The following TGM4 variants were observed in gnomAD, a reference collection of about 807,000 sequenced individuals.
The protein encoded by TGM4 is protein-glutamine gamma-glutamyltransferase 4.
A neutral mutation model predicts 76.3 loss-of-function variants in TGM4; 61 were observed. That is an observed-to-expected ratio of 0.80 (90% CI 0.65 to 0.99). TGM4 has a LOEUF of 0.99. Among genes scored for constraint, TGM4 ranks in the 50% least tolerant of loss-of-function variants. The pLI, the probability that TGM4 is intolerant of heterozygous loss-of-function variation, is 0.00. For synonymous variants in TGM4, 337 were observed against 329.8 expected, an observed-to-expected ratio of 1.02 and a Z score of -0.24; for missense variants, 794 against 843.2, an observed-to-expected ratio of 0.94 and a Z score of 0.72.
chr3:44,908,304 A>G (rs1310956042), intron 10 of TGM4, among the ~76,000 whole-genome samples: 1 of 152,212 alleles, frequency 6.6e-6, no homozygotes, highest in East Asian at 1.9e-4. Flanking sequence ...GCTATCTCTG[A>G]AATAGAATCT....
chr3:44,879,237 GTCTCTCTC>G (rs377695202), intron 1 of TGM4, among the ~76,000 whole-genome samples: 3,361 of 118,018 alleles, frequency 0.028, 60 homozygotes, highest in Admixed American at 0.04. Flanking sequence ...CTATTTTATG[GTCTCTCTC>G]TCTCTCTCTC....
chr3:44,910,912 G>C (rs1431029964), intron 11 of TGM4, 46 bp from the exon 12 acceptor site: 2 of 1,590,938 alleles, frequency 1.3e-6, no homozygotes, highest in Admixed American at 3.4e-5. Context: ...TCATACTGGG[G>C]GGGTATGATG....
At chr3:44,890,446 C>G (rs368087967) in intron 3 of TGM4, 157 bp from the exon 4 acceptor site, 1 of 1,005,980 alleles carries the variant, frequency 9.9e-7, no homozygotes, top group Non-Finnish European at 1.5e-6. Context: ...CTTGCAGGGG[C>G]GCTCCTGGCT....
At chr3:44,906,776 GC>G (rs1699927332) in intron 9 of TGM4, among the ~76,000 whole-genome samples, 172 bp from the exon 10 acceptor site, 1 of 152,180 alleles carries the variant, frequency 6.6e-6, no homozygotes, top group Non-Finnish European at 1.5e-5. Context: ...GCTGAGATGT[GC>G]CCCTCTTTTC....
chr3:44,906,011 G>C (rs963625473), intron 9 of TGM4, among the ~76,000 whole-genome samples: 4 of 152,174 alleles, frequency 2.6e-5, no homozygotes, highest in Non-Finnish European at 5.9e-5. Context: ...GCCAGAAAAG[G>C]GGCCTTAAAA....
intron 10 of TGM4, 88 bp from the exon 11 acceptor site, chr3:44,910,002 C>A (rs1026607628): frequency 2.7e-6 from 4 of 1,485,618 alleles, no homozygotes; most frequent in Non-Finnish European, 3.6e-6. Context: ...CCTGGCCAGG[C>A]AGATGGTCTC....
rs761238251 is a variant in TGM4, at chr3:44,907,160, C to T, written c.1287C>T (p.Asp429=). 1.2e-6 allele frequency: 2 copies of T among 1,613,924 alleles called. No individual in the cohort carries two copies. The highest frequency in any genetic ancestry group is 1.3e-5 in the African/African-American group (1 of 74,860). Residue 429 remains aspartate, a synonymous_variant, in exon 10 of 14, where the codon GAC becomes GAT. Transcript: ENST00000296125. ...TCAGCACCAAGGCAGTGGGCCAAGA[C>T]AGGCGGAGAGATATCACCTATGAGT... ...KNISTKAVGQ[D]RRRDITYEYK...
chr3:44,897,066 C>T (rs943953631), intron 6 of TGM4, among the ~76,000 whole-genome samples: 3 of 145,940 alleles, frequency 2.1e-5, no homozygotes, highest in Non-Finnish European at 3.0e-5. Flanking sequence ...TGCAGTGGCA[C>T]GATCTTGGCT....
chr3:44,901,486 A>AG, intron 6 of TGM4, 38 bp from the exon 7 acceptor site: 1 of 1,561,280 alleles, frequency 6.4e-7, no homozygotes, highest in Non-Finnish European at 8.7e-7. Flanking sequence ...TGTTCTTCTG[A>AG]GGGGCGGACA....
chr3:44,910,156 G>T lies in TGM4; in HGVS notation c.1394G>T (p.Arg465Ile). The part of the protein sequence containing the change: ...FLLLSSEREH[R>I]RPVKENFLHM... ...CTTCTCAGTTCTGAGAGGGAGCACA[G>T]ACGACCTGTAAAAGAGAACTTTCTT... The change falls in exon 11 of 14, where the codon AGA becomes ATA. Residue 465 changes from arginine (R) to isoleucine (I), a missense_variant. Coordinates refer to ENST00000296125, the MANE Select transcript of TGM4 (RefSeq NM_003241.4). 1 of 1,614,230 alleles carries T rather than the reference G, an allele frequency of 6.2e-7. No homozygotes were observed. Among genetic ancestry groups the T allele is most frequent in the Non-Finnish European group, 8.5e-7 (1 of 1,180,042 alleles).
At chr3:44,880,551 G>A (rs1699518803) in intron 1 of TGM4, among the ~76,000 whole-genome samples, 1 of 152,088 alleles carries the variant, frequency 6.6e-6, no homozygotes, top group African/African-American at 2.4e-5. Flanking sequence ...GGGGGGTGGG[G>A]GAATGTGATT....
intron 1 of TGM4, 53 bp downstream of exon 1, chr3:44,874,750 C>T (rs1699427307): frequency 6.2e-7 from 1 of 1,612,444 alleles, no homozygotes; most frequent in Admixed American, 1.7e-5. Context: ...GCCAGCTGGC[C>T]CTAAACTGCT....
chr3:44,891,393 A>G (rs1699694759), intron 4 of TGM4, among the ~76,000 whole-genome samples: 1 of 151,668 alleles, frequency 6.6e-6, no homozygotes, highest in African/African-American at 2.4e-5. Context: ...AATGATTTTG[A>G]GCTCACAGAA....
Position 44,887,770 on chromosome 3 carries a change from C to A in TGM4, c.275C>A (p.Thr92Asn). Residue 92 changes from threonine (T) to asparagine (N), a missense_variant, in exon 3 of 14, where the codon ACC becomes AAC. Coordinates refer to ENST00000296125, the MANE Select transcript of TGM4 (RefSeq NM_003241.4). Reference protein sequence around the residue: ...TPSDHYNWQATLQNESGKEVT... With the variant: ...TPSDHYNWQANLQNESGKEVT... ...TCAGACCACTACAACTGGCAGGCAA[C>A]CCTTCAAAATGAGTCTGGCAAAGAG... The A allele has an allele frequency of 1.2e-6, 2 of 1,614,172 alleles. No homozygotes were observed. The highest frequency in any genetic ancestry group is 1.7e-6 in the Non-Finnish European group (2 of 1,180,030).
Position 44,907,038 on chromosome 3 carries a change from G to A in TGM4, c.1165G>A (p.Val389Met). The A allele has an allele frequency of 6.2e-7, 1 of 1,614,214 alleles. No individual in the cohort carries two copies. The highest frequency in any genetic ancestry group is 8.5e-7 in the Non-Finnish European group (1 of 1,180,052). ...VYDTRFVFSE[V>M]NGDRLIWLVK... ...TGACACCAGATTCGTCTTCTCAGAA[G>A]TGAATGGTGACAGGCTCATCTGGTT... Residue 389 changes from valine (V) to methionine (M), a missense_variant, in exon 10 of 14, where the codon GTG (valine) becomes ATG (methionine). By Grantham distance (21) the Val-to-Met change is conservative. Transcript: ENST00000296125.
intron 1 of TGM4, among the ~76,000 whole-genome samples, chr3:44,880,682 T>C (rs1175560008): frequency 6.6e-6 from 1 of 152,226 alleles, no homozygotes; most frequent in East Asian, 1.9e-4. Flanking sequence ...ATGTGTTTAA[T>C]TCCTTTAGCA....
intron 1 of TGM4, among the ~76,000 whole-genome samples, chr3:44,879,473 A>ATTTTTTTT (rs1184527794): frequency 2.7e-4 from 33 of 123,710 alleles, no homozygotes; most frequent in African/African-American, 4.9e-4. Context: ...AGCCTGGCTA[A>ATTTTTTTT]TTTTTTTTTT....
In TGM4 at chr3:44,913,891, C is replaced by T; in HGVS notation, c.*166C>T. On this transcript the variant is annotated 3_prime_UTR_variant, in exon 14 of 14. Transcript: ENST00000296125. ...CCATAAGCAGCCAGACCCACAAGGC[C>T]AGGTCCTGTGCTATCACAGGGTCAC... The T allele has an allele frequency of 1.1e-6, 1 of 890,854 alleles. No individual in the cohort carries two copies. 55.2% of individuals were successfully genotyped at this position (890,854 alleles called of 1,614,324 possible). A position where few individuals can be genotyped will look rare whatever the true frequency, so the allele number is the denominator to read the frequency against.
chr3:44,893,559 T>C lies in TGM4; in HGVS notation c.431-18T>C. On this transcript the variant is annotated intron_variant, in intron 4 of 13. Coordinates refer to ENST00000296125, the MANE Select transcript of TGM4 (RefSeq NM_003241.4). ...CAGGGCAGAATATAACCTCTGTGGA[T>C]GTGTGGTCTTGCTTCAGAGGACATG... is the stretch of plus-strand genomic sequence containing the variant. 1 of 1,600,968 alleles carries C rather than the reference T, an allele frequency of 6.2e-7. No individual in the cohort carries two copies. Among genetic ancestry groups the C allele is most frequent in the South Asian group, 1.1e-5 (1 of 90,802 alleles).
Sources: gnomAD v4.1 joint callset for allele counts (sites outside exome capture counted in the v4.1 genomes callset) on GRCh38, gnomAD v4.1.1 for gene constraint, MANE v1.5 for transcripts, NCBI Gene and HGNC (gene_info 2026-07-23, HGNC 2026-07-21) for gene names.